Variants in TRAPPC12 observed in about 807,000 individuals in gnomAD.
TRAPPC12 encodes the protein TPR repeat protein 15.
Under a neutral mutation model 69.2 loss-of-function variants are expected in TRAPPC12, and 61 were observed. The ratio of observed to expected loss-of-function variants is 0.88; its 90% CI spans 0.72 to 1.09. The LOEUF is 1.09. Among genes scored for constraint, TRAPPC12 ranks in the 50% least tolerant of loss-of-function variants. The pLI is 0.00. For synonymous variants in TRAPPC12, 469 were observed against 438.9 expected, an observed-to-expected ratio of 1.07 and a Z score of -0.86; for missense variants, 1,101 against 1,016.4, an observed-to-expected ratio of 1.08 and a Z score of -1.13.
intron 2 of TRAPPC12, among the ~76,000 whole-genome samples, chr2:3,396,538 C>T (rs1055657745): frequency 1.7e-4 from 26 of 152,014 alleles, no homozygotes; most frequent in Admixed American, 5.2e-4. Flanking sequence ...CAGGTATTTT[C>T]TGTGTTTTTT....
chr2:3,457,985 G>A (rs989518682), intron 7 of TRAPPC12: 16 of 1,260,122 alleles, frequency 1.3e-5, no homozygotes, highest in Admixed American at 7.9e-5. Context: ...CTGAGTGGGC[G>A]CGAGGAAGGA....
At chr2:3,420,849 G>A (rs1662741287) in intron 3 of TRAPPC12, among the ~76,000 whole-genome samples, 1 of 152,196 alleles carries the variant, frequency 6.6e-6, no homozygotes, top group African/African-American at 2.4e-5. Context: ...TGTGTGGCAG[G>A]CTCTACCACA....
At chr2:3,449,365 A>G (rs1664724883) in intron 6 of TRAPPC12, 1 of 152,564 alleles carries the variant, frequency 6.6e-6, no homozygotes, top group Admixed American at 6.5e-5. Flanking sequence ...GTTCAGCTCC[A>G]TCCCTCCCTG....
chr2:3,471,361 C>T (rs931050338), intron 9 of TRAPPC12, among the ~76,000 whole-genome samples: 1 of 152,178 alleles, frequency 6.6e-6, no homozygotes, highest in Admixed American at 6.5e-5. Context: ...CATCTCCCCC[C>T]TCGGCCTCGT....
chr2:3,403,275 C>T (rs1054549559), intron 3 of TRAPPC12, among the ~76,000 whole-genome samples: 1 of 135,618 alleles, frequency 7.4e-6, no homozygotes, highest in Admixed American at 7.4e-5. Flanking sequence ...TCTTGTTGCC[C>T]AGGCTGGAGT....
At position 3,414,892 on chromosome 2, in the gene TRAPPC12, G is replaced by T. The variant is rs748173846; in HGVS notation, c.1165-6989G>T. On this transcript the variant is annotated intron_variant, in intron 3 of 11. Transcript: ENST00000324266. This position sits in a 1 kb window ranked among gnomAD's most constrained non-coding sequence, Gnocchi z 4.9. The stretch of plus-strand genomic sequence containing the variant: ...GTACGTTGGCCCTTCATATCTACAG[G>T]TTCCGCATCCACAGATTCCACCACC... Among the ~76,000 whole-genome samples, 6 of 152,150 alleles carry T rather than the reference G, an allele frequency of 3.9e-5. No individual in the cohort carries two copies. The highest frequency in any genetic ancestry group is 8.8e-5 in the Non-Finnish European group (6 of 68,032).
intron 5 of TRAPPC12, among the ~76,000 whole-genome samples, chr2:3,440,762 T>C (rs533654275): frequency 1.3e-4 from 20 of 152,278 alleles, no homozygotes; most frequent in Admixed American, 3.3e-4. Context: ...AGTCACTGAG[T>C]TTCTCACTCT....
chr2:3,421,943 G>T lies in TRAPPC12; in HGVS notation c.1227G>T (p.Gln409His). 1 of 1,613,798 alleles carries T rather than the reference G, an allele frequency of 6.2e-7. No individual in the cohort carries two copies. The highest frequency in any genetic ancestry group is 8.5e-7 in the Non-Finnish European group (1 of 1,180,002). The change falls in exon 4 of 12, where the codon CAG becomes CAT. Residue 409 changes from glutamine to histidine, a missense_variant. By Grantham distance (24) the Gln-to-His change is conservative. Coordinates refer to ENST00000324266, the MANE Select transcript of TRAPPC12 (RefSeq NM_016030.6). ...GACGTCTCCTCACAGCCCACGGCCA[G>T]GGCTACGGCAAGAGCGGGCTGCTCA... is the stretch of plus-strand genomic sequence containing the variant. ...LCGRLLTAHG[Q>H]GYGKSGLLTS...
intron 1 of TRAPPC12, among the ~76,000 whole-genome samples, chr2:3,381,167 T>C (rs1043830495): frequency 6.6e-6 from 1 of 152,200 alleles, no homozygotes; most frequent in African/African-American, 2.4e-5. Flanking sequence ...AAGTTTAGGA[T>C]GAGTATTAAA....
chr2:3,431,083 A>G (rs905318648), intron 5 of TRAPPC12, among the ~76,000 whole-genome samples: 1 of 152,196 alleles, frequency 6.6e-6, no homozygotes, highest in African/African-American at 2.4e-5. Context: ...CTTCACCTGG[A>G]GCTTCCAAGA....
intron 5 of TRAPPC12, among the ~76,000 whole-genome samples, chr2:3,442,947 C>T (rs1664301224): frequency 6.6e-6 from 1 of 152,244 alleles, no homozygotes; most frequent in South Asian, 2.1e-4. Context: ...TTCTTTATCT[C>T]ATTTATAATC....
At chr2:3,443,952 C>T in intron 6 of TRAPPC12, 61 bp downstream of exon 6, 2 of 1,278,846 alleles carry the variant, frequency 1.6e-6, no homozygotes, top group Non-Finnish European at 2.2e-6. Context: ...GCCCTCCCCA[C>T]AGGACATGCC....
rs753296470 is a variant in TRAPPC12, at chr2:3,387,952, C to T, written c.329C>T (p.Pro110Leu). Reference protein sequence around the residue: ...PGPEPAGTPSPSGEADGDCAP... With the variant: ...PGPEPAGTPSLSGEADGDCAP... Reference sequence around the variant, plus strand: ...CCGGAGCCCGCGGGCACCCCGAGTCCCAGCGGCGAGGCCGACGGCGACTGT... The same window carrying T: ...CCGGAGCCCGCGGGCACCCCGAGTCTCAGCGGCGAGGCCGACGGCGACTGT... Residue 110 changes from proline (P) to leucine (L), a missense_variant, in exon 2 of 12, where the codon CCC becomes CTC. Transcript: ENST00000324266. 3 of 1,490,792 alleles carry T rather than the reference C, an allele frequency of 2.0e-6. No homozygotes were observed. The highest frequency in any genetic ancestry group is 5.3e-5 in the East Asian group (2 of 37,984). 92.3% of individuals were successfully genotyped at this position (1,490,792 alleles called of 1,614,324 possible).
intron 2 of TRAPPC12, among the ~76,000 whole-genome samples, chr2:3,390,362 T>C (rs2103437857): frequency 6.6e-6 from 1 of 152,354 alleles, no homozygotes; most frequent in East Asian, 1.9e-4. Flanking sequence ...ATGTGCATAT[T>C]CTTTGACCCA....
At chr2:3,446,212 T>C (rs941838353) in intron 6 of TRAPPC12, among the ~76,000 whole-genome samples, 5 of 152,210 alleles carry the variant, frequency 3.3e-5, no homozygotes, top group African/African-American at 1.2e-4. Context: ...ACATATCTTT[T>C]CCATGGCATG....
At chr2:3,467,617 GGAA>G (rs1665874948) in intron 9 of TRAPPC12, 1 of 152,286 alleles carries the variant, frequency 6.6e-6, no homozygotes, top group African/African-American at 2.4e-5. Flanking sequence ...GCTGGATCTG[GGAA>G]GAAGGATGAA....
At chr2:3,479,025 T>G (rs11890651) in intron 11 of TRAPPC12, 92 bp downstream of exon 11, 391,499 of 1,438,530 alleles carry the variant, frequency 0.27, 56,995 homozygotes, top group East Asian at 0.49. Flanking sequence ...GGGCCTGCGC[T>G]CTCTCTCTCC....
At chr2:3,423,029 T>A (rs932087494) in intron 4 of TRAPPC12, among the ~76,000 whole-genome samples, 2 of 152,170 alleles carry the variant, frequency 1.3e-5, no homozygotes, top group African/African-American at 4.8e-5. Flanking sequence ...CACTTGGGCC[T>A]GGGGCTTCTG....
At chr2:3,410,034 A>G (rs934652703) in intron 3 of TRAPPC12, among the ~76,000 whole-genome samples, 2 of 152,188 alleles carry the variant, frequency 1.3e-5, no homozygotes, top group African/African-American at 4.8e-5. Flanking sequence ...AGGGCTGCCC[A>G]GACTCTCTCT....
Sources: allele counts gnomAD v4.1 joint callset (sites outside exome capture counted in the v4.1 genomes callset), GRCh38; gene constraint gnomAD v4.1.1; non-coding constraint Gnocchi (gnomAD v3.1); transcripts MANE v1.5; gene names NCBI Gene and HGNC (gene_info 2026-07-23, HGNC 2026-07-21).